Variants in CHCHD6 observed in about 807,000 individuals in gnomAD.
The protein encoded by CHCHD6 is coiled-coil-helix-coiled-coil-helix domain containing 6.
Under a neutral mutation model 32.3 loss-of-function variants are expected in CHCHD6, and 28 were observed. The observed-to-expected ratio is 0.87, with a 90% CI of 0.64 to 1.19. CHCHD6 has a LOEUF of 1.19. Among genes scored for constraint, CHCHD6 ranks in the 50% most tolerant of loss-of-function variants. The pLI is 0.00. For missense variants in CHCHD6, 333 were observed against 307.0 expected (o/e 1.08, Z -0.63); for synonymous variants, 122 against 117.5 (o/e 1.04, Z -0.25).
intron 6 of CHCHD6, among the ~76,000 whole-genome samples, chr3:126,953,699 A>G (rs2078747746): frequency 6.6e-6 from 1 of 152,176 alleles, no homozygotes; most frequent in Non-Finnish European, 1.5e-5. Context: ...TGCCTGTGCA[A>G]ACAGACACCC....
chr3:126,729,715 T>A (rs1186207984), intron 2 of CHCHD6, among the ~76,000 whole-genome samples: 1 of 152,092 alleles, frequency 6.6e-6, no homozygotes, highest in African/African-American at 2.4e-5. Context: ...CCCCGAAGGA[T>A]CCCTGACGGG....
chr3:126,723,111 T>C, intron 1 of CHCHD6, among the ~76,000 whole-genome samples: 1 of 152,234 alleles, frequency 6.6e-6, no homozygotes, highest in East Asian at 1.9e-4. Context: ...CAACTGACCA[T>C]AGAGATAAAG....
At chr3:126,940,916 A>T (rs139833152) in intron 6 of CHCHD6, among the ~76,000 whole-genome samples, 1 of 152,010 alleles carries the variant, frequency 6.6e-6, no homozygotes, top group African/African-American at 2.4e-5. Context: ...CATTTTTAAC[A>T]GGTCTTTGTG....
intron 5 of CHCHD6, among the ~76,000 whole-genome samples, chr3:126,890,889 G>C (rs1247676358): frequency 6.6e-6 from 1 of 152,142 alleles, no homozygotes; most frequent in African/African-American, 2.4e-5. Context: ...CCAGGGAGTG[G>C]GGAGGGAATG....
chr3:126,895,211 A>T (rs988213241), intron 5 of CHCHD6, among the ~76,000 whole-genome samples: 1 of 152,192 alleles, frequency 6.6e-6, no homozygotes, highest in South Asian at 2.1e-4. Context: ...CTTCAAATCA[A>T]TGTGATCTAA....
intron 1 of CHCHD6, among the ~76,000 whole-genome samples, chr3:126,714,829 C>T (rs916576282): frequency 6.6e-6 from 1 of 152,128 alleles, no homozygotes; most frequent in Admixed American, 6.5e-5. Flanking sequence ...TGGGAAGTCA[C>T]TCTCTGCAGC....
chr3:126,873,812 G>A (rs2077507292), intron 5 of CHCHD6, among the ~76,000 whole-genome samples: 2 of 152,220 alleles, frequency 1.3e-5, no homozygotes, highest in African/African-American at 4.8e-5. Context: ...GGTCTAGTAA[G>A]TAGATGCAGG....
chr3:126,894,546 G>C (rs9827684), intron 5 of CHCHD6, among the ~76,000 whole-genome samples: 42,066 of 152,138 alleles, frequency 0.28, 7,773 homozygotes, highest in African/African-American at 0.53. Context: ...TTCCAGACTA[G>C]TTGCTTCTCA....
intron 1 of CHCHD6, among the ~76,000 whole-genome samples, chr3:126,707,748 C>T (rs774645381): frequency 1.3e-4 from 20 of 152,204 alleles, no homozygotes; most frequent in Non-Finnish European, 5.9e-5. Flanking sequence ...TTCTGGACCA[C>T]GGTGGAGGGG....
chr3:126,791,266 G>A (rs553769444), intron 4 of CHCHD6, among the ~76,000 whole-genome samples: 9 of 152,234 alleles, frequency 5.9e-5, no homozygotes, highest in Non-Finnish European at 8.8e-5. Flanking sequence ...GCTCCTTGGC[G>A]GTCAGGGACC....
chr3:126,914,238 C>T (rs1002155374), intron 5 of CHCHD6, among the ~76,000 whole-genome samples: 1 of 152,160 alleles, frequency 6.6e-6, no homozygotes, highest in African/African-American at 2.4e-5. Context: ...TGGACCAGAT[C>T]AAGACTGAGA....
intron 5 of CHCHD6, among the ~76,000 whole-genome samples, chr3:126,852,938 G>A (rs1041242843): frequency 6.6e-6 from 1 of 152,166 alleles, no homozygotes; most frequent in African/African-American, 2.4e-5. Context: ...GAGATAATTG[G>A]TTTTTAATTG....
intron 4 of CHCHD6, among the ~76,000 whole-genome samples, chr3:126,812,748 T>C (rs1005767345): frequency 8.5e-5 from 13 of 152,112 alleles, no homozygotes; most frequent in African/African-American, 2.9e-4. Context: ...CCATTCTTGC[T>C]TTAACTTTTA....
intron 4 of CHCHD6, among the ~76,000 whole-genome samples, chr3:126,782,532 G>A (rs74938954): frequency 0.019 from 2,910 of 152,276 alleles, 36 homozygotes; most frequent in Middle Eastern, 0.051. Context: ...CAAGCAAAAT[G>A]ATGTGAATTT....
chr3:126,880,601 G>C lies in CHCHD6; in HGVS notation c.495+27871G>C, dbSNP rs576268879. Among the ~76,000 whole-genome samples the C allele has an allele frequency of 2.0e-5, 3 of 152,302 alleles. No individual in the cohort carries two copies. The East Asian group carries it at 5.8e-4, about 29-fold the overall frequency. On this transcript the variant is annotated intron_variant, in intron 5 of 7. Transcript: ENST00000290913. ...TGAGAGGATGATTCTGAGGTATCCA[G>C]GTGATGAATAAGGATCTGAGGGAGA... is the stretch of plus-strand genomic sequence containing the variant.
At chr3:126,808,046 C>A (rs1230394982) in intron 4 of CHCHD6, among the ~76,000 whole-genome samples, 1 of 152,204 alleles carries the variant, frequency 6.6e-6, no homozygotes, top group African/African-American at 2.4e-5. Flanking sequence ...TTTTTGTGGG[C>A]ATAGCTGATT....
At chr3:126,960,117 G>A (rs2107612171) in intron 7 of CHCHD6, 79 bp from the exon 8 acceptor site, 1 of 1,531,424 alleles carries the variant, frequency 6.5e-7, no homozygotes, top group South Asian at 1.2e-5. Flanking sequence ...AGCGGTTGCT[G>A]TCACAGGGCG....
intron 5 of CHCHD6, among the ~76,000 whole-genome samples, chr3:126,858,314 G>GGGGGT (rs1941734251): frequency 7.3e-6 from 1 of 137,814 alleles, no homozygotes; most frequent in South Asian, 2.7e-4. Context: ...GGGCGGGGGG[G>GGGGGT]AGGGGTGGGT....
intron 4 of CHCHD6, among the ~76,000 whole-genome samples, chr3:126,817,791 G>A (rs1939972386): frequency 6.6e-6 from 1 of 152,148 alleles, no homozygotes; most frequent in Non-Finnish European, 1.5e-5. Context: ...CCAGGACTGT[G>A]GTGTCTCTGT....
Sources: allele counts gnomAD v4.1 joint callset (sites outside exome capture counted in the v4.1 genomes callset), GRCh38; gene constraint gnomAD v4.1.1; transcripts MANE v1.5; gene names NCBI Gene and HGNC (gene_info 2026-07-23, HGNC 2026-07-21).